The following NCKAP5 variants were observed in gnomAD, a reference collection of about 807,000 sequenced individuals.
The protein encoded by NCKAP5 is nck-associated protein 5.
A neutral mutation model predicts 167.0 loss-of-function variants in NCKAP5; 92 were observed. The observed-to-expected ratio is 0.55, with a 90% CI of 0.47 to 0.66. NCKAP5 has a LOEUF of 0.66. Ranked by LOEUF, NCKAP5 falls within the 30% of genes least tolerant of loss-of-function variation. The pLI is 0.00. For missense variants in NCKAP5, 2,378 were observed against 2,315.0 expected (o/e 1.03, Z -0.56); for synonymous variants, 891 against 877.4 (o/e 1.02, Z -0.27).
intron 2 of NCKAP5, among the ~76,000 whole-genome samples, chr2:133,545,928 A>T (rs1686623719): frequency 6.6e-6 from 1 of 152,342 alleles, no homozygotes; most frequent in South Asian, 2.1e-4. Context: ...TTTGCTAAAA[A>T]TGCCCTGAAA....
intron 4 of NCKAP5, among the ~76,000 whole-genome samples, chr2:133,244,397 C>T (rs2087873289): frequency 6.6e-6 from 1 of 152,140 alleles, no homozygotes; most frequent in Non-Finnish European, 1.5e-5. Flanking sequence ...TGACTTTTCT[C>T]TTTAACCTCC....
At chr2:133,055,689 T>C (rs1239119431) in intron 6 of NCKAP5, among the ~76,000 whole-genome samples, 6 of 152,122 alleles carry the variant, frequency 3.9e-5, no homozygotes, top group Non-Finnish European at 2.9e-5. Flanking sequence ...TTGGGCATCA[T>C]TTGTTGCATT....
At chr2:132,949,295 G>A (rs281581) in intron 8 of NCKAP5, among the ~76,000 whole-genome samples, 124,292 of 152,112 alleles carry the variant, frequency 0.82, 51,028 homozygotes, top group East Asian at 0.96. Context: ...CTTCAAGGTT[G>A]GCCAATTGCT....
At chr2:133,584,961 G>GGAAGGAAA in the NCKAP5 span, among the ~76,000 whole-genome samples, 3 of 132,654 alleles carry the variant, frequency 2.3e-5, no homozygotes, top group East Asian at 2.1e-4. Context: ...AAGGAAGGAA[G>GGAAGGAAA]GAAGGAAGGA....
At chr2:132,823,115 T>C (rs1436914900) in intron 11 of NCKAP5, among the ~76,000 whole-genome samples, 1 of 152,120 alleles carries the variant, frequency 6.6e-6, no homozygotes, top group Admixed American at 6.5e-5. Flanking sequence ...ATCTAAAAGT[T>C]TGGAAAACTT....
chr2:133,103,368 A>C (rs1421382345), intron 6 of NCKAP5, among the ~76,000 whole-genome samples: 2 of 152,244 alleles, frequency 1.3e-5, no homozygotes, highest in African/African-American at 4.8e-5. Context: ...ACAGGTTATC[A>C]ATATGGTTAA....
chr2:132,765,753 A>T (rs972310170), intron 16 of NCKAP5, among the ~76,000 whole-genome samples: 8 of 152,076 alleles, frequency 5.3e-5, no homozygotes, highest in Admixed American at 1.3e-4. Flanking sequence ...GAGTTAAGAG[A>T]ACCTCTATTT....
chr2:133,248,118 C>T (rs1199439401), intron 4 of NCKAP5, among the ~76,000 whole-genome samples: 1 of 152,170 alleles, frequency 6.6e-6, no homozygotes, highest in Non-Finnish European at 1.5e-5. Flanking sequence ...TAGAACTTGT[C>T]CATGTGCAGT....
At chr2:132,988,449 A>C (rs1356126272) in intron 7 of NCKAP5, among the ~76,000 whole-genome samples, 2 of 146,054 alleles carry the variant, frequency 1.4e-5, no homozygotes, top group African/African-American at 5.3e-5. Context: ...CTACAGAGCA[A>C]GACTTTGCCT....
intron 10 of NCKAP5, among the ~76,000 whole-genome samples, chr2:132,862,961 A>G (rs1690045459): frequency 6.6e-6 from 1 of 152,002 alleles, no homozygotes; most frequent in Non-Finnish European, 1.5e-5. Context: ...AGCTGGGACT[A>G]CAGGCATGTG....
intron 8 of NCKAP5, among the ~76,000 whole-genome samples, chr2:132,952,740 T>C (rs1026329018): frequency 6.6e-6 from 1 of 152,218 alleles, no homozygotes; most frequent in Non-Finnish European, 1.5e-5. Flanking sequence ...CTTTTGATGA[T>C]GGTAGAACTT....
the NCKAP5 span, among the ~76,000 whole-genome samples, chr2:133,671,569 A>G: frequency 5.3e-5 from 8 of 152,134 alleles, no homozygotes; most frequent in African/African-American, 1.4e-4. Context: ...CAGGCCCCTC[A>G]CTGTGTGATG....
intron 16 of NCKAP5, among the ~76,000 whole-genome samples, chr2:132,759,215 T>G (rs117287547): frequency 6.6e-6 from 1 of 152,172 alleles, no homozygotes; most frequent in African/African-American, 2.4e-5. Flanking sequence ...TATTCCATAG[T>G]ATAGGTATTT....
At chr2:133,131,869 C>A (rs1484531200) in intron 5 of NCKAP5, among the ~76,000 whole-genome samples, 1 of 152,000 alleles carries the variant, frequency 6.6e-6, no homozygotes, top group African/African-American at 2.4e-5. Flanking sequence ...ACACAATTGA[C>A]ATTCCTCTTT....
At chr2:133,664,216 A>C in the NCKAP5 span, among the ~76,000 whole-genome samples, 2 of 152,230 alleles carry the variant, frequency 1.3e-5, no homozygotes, top group East Asian at 3.9e-4. Flanking sequence ...TTAGTAAGTC[A>C]TGCTATAAAC....
At chr2:133,214,385 T>A (rs903226266) in intron 4 of NCKAP5, among the ~76,000 whole-genome samples, 1 of 152,176 alleles carries the variant, frequency 6.6e-6, no homozygotes, top group East Asian at 1.9e-4. Context: ...TATATAGTAG[T>A]TTTTTGGAAT....
chr2:133,244,728 C>T (rs2087889768), intron 4 of NCKAP5, among the ~76,000 whole-genome samples: 2 of 152,096 alleles, frequency 1.3e-5, no homozygotes, highest in African/African-American at 4.8e-5. Flanking sequence ...AAAGTCTTCT[C>T]ACTATATGAT....
At chr2:133,579,231 G>A in the NCKAP5 span, among the ~76,000 whole-genome samples, 1 of 152,206 alleles carries the variant, frequency 6.6e-6, no homozygotes, top group African/African-American at 2.4e-5. Flanking sequence ...CACAGCTACT[G>A]AGTGGGCAGA....
chr2:133,349,911 A>AT (rs1251474282), intron 3 of NCKAP5, among the ~76,000 whole-genome samples: 1 of 152,106 alleles, frequency 6.6e-6, no homozygotes, highest in East Asian at 1.9e-4. Context: ...ACTTAATTAT[A>AT]TTTTTTTAAA....
Sources: allele counts gnomAD v4.1 joint callset (sites outside exome capture counted in the v4.1 genomes callset), GRCh38; gene constraint gnomAD v4.1.1; transcripts MANE v1.5; gene names NCBI Gene and HGNC (gene_info 2026-07-23, HGNC 2026-07-21).